The following TTC29 variants were observed in gnomAD, a reference collection of about 807,000 sequenced individuals.
TTC29 encodes tetratricopeptide repeat protein 29.
TTC29 carries 49 observed loss-of-function variants against 58.1 expected under a neutral mutation model. The ratio of observed to expected loss-of-function variants is 0.84; its 90% CI spans 0.67 to 1.07. The LOEUF is 1.07. Among genes scored for constraint, TTC29 ranks in the 50% least tolerant of loss-of-function variants. TTC29 has a pLI of 0.00. For synonymous variants in TTC29, 209 were observed against 196.8 expected (o/e 1.06, Z -0.52); for missense variants, 582 against 555.6 (o/e 1.05, Z -0.48).
chr4:146,873,939 T>C (rs1366757458), intron 7 of TTC29, among the ~76,000 whole-genome samples: 1 of 152,168 alleles, frequency 6.6e-6, no homozygotes, highest in African/African-American at 2.4e-5. Flanking sequence ...TTTATCTTTT[T>C]CTCCTTCCTG....
At chr4:146,748,670 T>G (rs907418481) in intron 11 of TTC29, among the ~76,000 whole-genome samples, 18 of 152,218 alleles carry the variant, frequency 1.2e-4, no homozygotes, top group African/African-American at 4.3e-4. Context: ...GGAGACTACA[T>G]CACGGTGCCC....
chr4:146,871,138 G>A (rs374532680), intron 7 of TTC29, among the ~76,000 whole-genome samples: 1 of 151,814 alleles, frequency 6.6e-6, no homozygotes, highest in African/African-American at 2.4e-5. Flanking sequence ...TATACACCAC[G>A]ATCAAGTGGA....
chr4:146,743,815 A>G (rs1745341427), intron 11 of TTC29, among the ~76,000 whole-genome samples: 4 of 152,200 alleles, frequency 2.6e-5, no homozygotes, highest in Admixed American at 2.6e-4. Context: ...TTGCTCCATG[A>G]GCAATGTGTG....
intron 10 of TTC29, among the ~76,000 whole-genome samples, chr4:146,805,976 G>A (rs1750586046): frequency 6.6e-6 from 1 of 152,174 alleles, no homozygotes; most frequent in Admixed American, 6.5e-5. Flanking sequence ...GTTAAGGGCA[G>A]CCAGAGAGAA....
At chr4:146,897,918 C>T (rs1413884016) in intron 6 of TTC29, among the ~76,000 whole-genome samples, 1 of 152,202 alleles carries the variant, frequency 6.6e-6, no homozygotes, top group Non-Finnish European at 1.5e-5. Context: ...GAGTTGGTGA[C>T]TATCAGCAGG....
chr4:146,813,526 T>C (rs1191503566), intron 10 of TTC29, among the ~76,000 whole-genome samples: 1 of 152,204 alleles, frequency 6.6e-6, no homozygotes, highest in Non-Finnish European at 1.5e-5. Flanking sequence ...AACTCCAATA[T>C]TTTTCCAATT....
At chr4:146,741,197 T>C (rs1745119526) in intron 11 of TTC29, among the ~76,000 whole-genome samples, 1 of 152,226 alleles carries the variant, frequency 6.6e-6, no homozygotes, top group Admixed American at 6.5e-5. Flanking sequence ...AGTAATATTT[T>C]AGATCCAGGG....
At chr4:146,877,717 G>T (rs1731364070) in intron 6 of TTC29, among the ~76,000 whole-genome samples, 1 of 152,092 alleles carries the variant, frequency 6.6e-6, no homozygotes, top group Non-Finnish European at 1.5e-5. Context: ...ATAAAGTACA[G>T]ACACATATTT....
rs371199820 is a variant in TTC29 at position 146,903,583 on chromosome 4, C to T, written c.547G>A (p.Glu183Lys). ...AGAAGACCCATATGCATGTGTGCCTCGGCTTCTTTCTTCCCACAGTCAATT... is the reference window on the plus strand; with the variant it reads ...AGAAGACCCATATGCATGTGTGCCTTGGCTTCTTTCTTCCCACAGTCAATT... The part of the protein sequence containing the change: ...IKIDCGKKEA[E>K]AHMHMGLLYE... Residue 183 changes from glutamate (E) to lysine (K), a missense_variant, in exon 6 of 13, where the codon GAG becomes AAG. Physicochemically the swap from Glu to Lys is moderately conservative, Grantham distance 56. Transcript: ENST00000325106. The T allele has an allele frequency of 7.5e-5, 121 of 1,612,218 alleles. No homozygotes were observed. The highest frequency in any genetic ancestry group is 1.7e-4 in the Middle Eastern group (1 of 6,056).
At chr4:146,780,213 A>C (rs2150086100) in intron 11 of TTC29, among the ~76,000 whole-genome samples, 1 of 152,110 alleles carries the variant, frequency 6.6e-6, no homozygotes, top group African/African-American at 2.4e-5. Context: ...ACAATGCTCC[A>C]GTCATCTCAG....
intron 11 of TTC29, among the ~76,000 whole-genome samples, chr4:146,744,044 C>T (rs1251362822): frequency 6.6e-6 from 1 of 152,040 alleles, no homozygotes; most frequent in African/African-American, 2.4e-5. Context: ...AGGATTAAGG[C>T]CAGAATGATG....
intron 6 of TTC29, among the ~76,000 whole-genome samples, chr4:146,897,344 C>T (rs1381674815): frequency 6.6e-6 from 1 of 152,156 alleles, no homozygotes; most frequent in Non-Finnish European, 1.5e-5. Context: ...ACTAGTTAGG[C>T]TCAGTGCTCA....
At chr4:146,817,262 A>C (rs1179114856) in intron 10 of TTC29, among the ~76,000 whole-genome samples, 1 of 152,238 alleles carries the variant, frequency 6.6e-6, no homozygotes, top group Non-Finnish European at 1.5e-5. Flanking sequence ...ATGTGCAAAA[A>C]TCACAAGCAT....
Position 146,867,480 on chromosome 4 carries a change from A to G in TTC29, c.885+18T>C, listed in dbSNP as rs2150209525. ...AAAATAAAAATTAAAAATGGCAGTG[A>G]TTAAAAGTTTAGCTTACTGTTAATG... On this transcript the variant is annotated intron_variant, in intron 8 of 12. Coordinates refer to ENST00000325106, the MANE Select transcript of TTC29 (RefSeq NM_031956.4). 5 of 1,320,590 alleles carry G rather than the reference A, an allele frequency of 3.8e-6. No homozygotes were observed. The East Asian group carries it at 8.1e-5, about 21-fold the overall frequency. The allele number at this position is 1,320,590 out of a possible 1,614,324, so 81.8% of individuals were successfully genotyped here. A position where few individuals can be genotyped will look rare whatever the true frequency, so the allele number is the denominator to read the frequency against.
chr4:146,856,058 G>C (rs987890842), intron 8 of TTC29, among the ~76,000 whole-genome samples: 1 of 152,068 alleles, frequency 6.6e-6, no homozygotes, highest in African/African-American at 2.4e-5. Context: ...TCATACACTA[G>C]GCCTTGAACT....
chr4:146,743,845 T>G (rs1745343845), intron 11 of TTC29, among the ~76,000 whole-genome samples: 1 of 152,244 alleles, frequency 6.6e-6, no homozygotes, highest in Non-Finnish European at 1.5e-5. Context: ...CATCTGGGGT[T>G]GACCTCAGGA....
At position 146,868,932 on chromosome 4, in the gene TTC29, T is replaced by A. The variant is rs1219313074; in HGVS notation, c.800-1349A>T. Among the ~76,000 whole-genome samples the A allele has an allele frequency of 6.6e-5, 10 of 152,106 alleles. No homozygotes were observed. The South Asian group carries it at 1.7e-3, about 25-fold the overall frequency. On this transcript the variant is annotated intron_variant, in intron 7 of 12. Transcript: ENST00000325106. Reference sequence around the variant, plus strand: ...TGAGCTCTTGCTCTATTAGTCCACATGAGAGCTGATTGCTTTAAAGAGCCT... The same window carrying A: ...TGAGCTCTTGCTCTATTAGTCCACAAGAGAGCTGATTGCTTTAAAGAGCCT...
intron 4 of TTC29, among the ~76,000 whole-genome samples, chr4:146,913,680 G>A (rs1245387796): frequency 6.6e-6 from 1 of 152,106 alleles, no homozygotes; most frequent in Non-Finnish European, 1.5e-5. Context: ...GTCCATTTGA[G>A]AGGGCTGGGT....
intron 6 of TTC29, among the ~76,000 whole-genome samples, chr4:146,878,451 T>C (rs1731417920): frequency 6.6e-6 from 1 of 152,056 alleles, no homozygotes; most frequent in Non-Finnish European, 1.5e-5. Context: ...CAAAAACTGG[T>C]GAAGTATATA....
Sources: gnomAD v4.1 joint callset for allele counts (sites outside exome capture counted in the v4.1 genomes callset) on GRCh38, gnomAD v4.1.1 for gene constraint, MANE v1.5 for transcripts, NCBI Gene and HGNC (gene_info 2026-07-23, HGNC 2026-07-21) for gene names.